PCSK5: variants seen among roughly 807,000 people sequenced by gnomAD.
PCSK5 encodes prohormone convertase 5.
A neutral mutation model predicts 233.2 loss-of-function variants in PCSK5; 129 were observed. The observed-to-expected ratio is 0.55, with a 90% CI of 0.48 to 0.64. The LOEUF is 0.64. Ranked by LOEUF, PCSK5 falls within the 30% of genes least tolerant of loss-of-function variation. The probability of loss-of-function intolerance (pLI) is 0.00; values close to 1 mark genes in which losing one functional copy is unlikely to be tolerated. For missense variants in PCSK5, 2,076 were observed against 2,430.1 expected, an observed-to-expected ratio of 0.85 and a Z score of 3.06; for synonymous variants, 825 against 879.2, an observed-to-expected ratio of 0.94 and a Z score of 1.09.
intron 1 of PCSK5, among the ~76,000 whole-genome samples, chr9:75,912,197 A>G (rs1348288035): frequency 6.6e-6 from 1 of 152,054 alleles, no homozygotes; most frequent in Non-Finnish European, 1.5e-5. Context: ...AGAAGGTGGC[A>G]TGAGCAAATT....
rs1232238515 is a variant in PCSK5 at position 76,360,510 on chromosome 9, A to G, written c.*1588A>G. The G allele has an allele frequency of 1.3e-5, 2 of 152,258 alleles. No individual in the cohort carries two copies. Among genetic ancestry groups the G allele is most frequent in the African/African-American group, 2.4e-5 (1 of 41,468 alleles). 9.4% of individuals were successfully genotyped at this position (152,258 alleles called of 1,614,324 possible). Reference sequence around the variant, plus strand: ...AAAGTCATGCCTATTGTTTTAGTCTATAATATCAATGTTATCTTTACTAAA... The same window carrying G: ...AAAGTCATGCCTATTGTTTTAGTCTGTAATATCAATGTTATCTTTACTAAA... On this transcript the variant is annotated 3_prime_UTR_variant, in exon 38 of 38. Transcript: ENST00000674117.
At chr9:75,989,014 T>G (rs1826648148) in intron 3 of PCSK5, among the ~76,000 whole-genome samples, 1 of 152,186 alleles carries the variant, frequency 6.6e-6, no homozygotes, top group African/African-American at 2.4e-5. Flanking sequence ...TAAAGTATCT[T>G]GAGGACAACC....
chr9:75,961,262 C>T (rs1825341443), intron 2 of PCSK5, among the ~76,000 whole-genome samples: 1 of 152,180 alleles, frequency 6.6e-6, no homozygotes, highest in Non-Finnish European at 1.5e-5. Context: ...TACAAAATGC[C>T]ACTCACTTGC....
intron 24 of PCSK5, among the ~76,000 whole-genome samples, chr9:76,254,896 T>C (rs958054955): frequency 3.3e-5 from 5 of 152,204 alleles, no homozygotes; most frequent in African/African-American, 1.2e-4. Flanking sequence ...GGGTACATAT[T>C]AGGATCCTGC....
At chr9:76,011,054 T>G (rs1458302703) in intron 3 of PCSK5, among the ~76,000 whole-genome samples, 1 of 152,362 alleles carries the variant, frequency 6.6e-6, no homozygotes, top group East Asian at 1.9e-4. Context: ...CAAGAAATTC[T>G]GTTGGATGCT....
intron 9 of PCSK5, among the ~76,000 whole-genome samples, chr9:76,118,093 T>C (rs1832498651): frequency 6.6e-6 from 1 of 152,104 alleles, no homozygotes; most frequent in Non-Finnish European, 1.5e-5. Flanking sequence ...TTCAATTCTA[T>C]AATTTTCATT....
At chr9:76,348,948 GAAGT>G (rs1487362684) in intron 35 of PCSK5, among the ~76,000 whole-genome samples, 2 of 152,004 alleles carry the variant, frequency 1.3e-5, no homozygotes, top group African/African-American at 4.8e-5. Flanking sequence ...GTTAAAAATT[GAAGT>G]AAGACATCTA....
intron 2 of PCSK5, among the ~76,000 whole-genome samples, chr9:75,953,644 GTC>G (rs1554665120): frequency 7.3e-6 from 1 of 136,914 alleles, no homozygotes; most frequent in Non-Finnish European, 1.6e-5. Flanking sequence ...ATGTGTGTGT[GTC>G]TGTGTGTGTG....
chr9:76,043,923 ATCAG>A (rs1587542627), intron 5 of PCSK5, among the ~76,000 whole-genome samples: 2 of 152,256 alleles, frequency 1.3e-5, no homozygotes, highest in East Asian at 3.9e-4. Flanking sequence ...TTTAGCCAAA[ATCAG>A]TCAGTCTTTC....
At chr9:76,180,087 G>GTATATATATA (rs1554701013) in intron 15 of PCSK5, among the ~76,000 whole-genome samples, 30 of 132,610 alleles carry the variant, frequency 2.3e-4, no homozygotes, top group East Asian at 7.0e-4. Context: ...GTGTGTGTGT[G>GTATATATATA]TATATATATA....
chr9:76,291,675 T>C (rs953932073), intron 24 of PCSK5, among the ~76,000 whole-genome samples: 1 of 152,216 alleles, frequency 6.6e-6, no homozygotes, highest in Non-Finnish European at 1.5e-5. Context: ...CCAGCAGGGA[T>C]GCATTGAATC....
chr9:76,027,072 T>C (rs780706016), intron 5 of PCSK5, 35 bp downstream of exon 5: 7 of 1,425,992 alleles, frequency 4.9e-6, no homozygotes, highest in Non-Finnish European at 6.9e-6. Flanking sequence ...GGCATGTGGC[T>C]GGCAAGGAGC....
intron 5 of PCSK5, among the ~76,000 whole-genome samples, chr9:76,067,382 A>C (rs1830323915): frequency 1.3e-5 from 2 of 152,214 alleles, no homozygotes; most frequent in Admixed American, 6.5e-5. Flanking sequence ...TAAAACAATG[A>C]TTAATAAGAT....
intron 1 of PCSK5, among the ~76,000 whole-genome samples, chr9:75,905,453 G>C (rs1826221742): frequency 1.3e-5 from 2 of 152,334 alleles, no homozygotes; most frequent in African/African-American, 4.8e-5. Flanking sequence ...AGAATTTTGA[G>C]GATGCAGTAA....
At chr9:76,081,975 A>G (rs111566447) in intron 7 of PCSK5, among the ~76,000 whole-genome samples, 3 of 152,080 alleles carry the variant, frequency 2.0e-5, no homozygotes, top group African/African-American at 4.8e-5. Flanking sequence ...TCATCTTTCA[A>G]TTCTGCCTGA....
At position 76,126,179 on chromosome 9, in the gene PCSK5, GTA is replaced by G. The variant is rs1029753170; in HGVS notation, c.1209-7928_1209-7927del. On this transcript the variant is annotated intron_variant, in intron 9 of 37. Transcript: ENST00000674117. Reference sequence around the variant, plus strand: ...TGTTGATTTTTTCCTGCGTGTGTGTGTATGTGTGTGTGTGTGTGTGTGGTGTA... The same window carrying G: ...TGTTGATTTTTTCCTGCGTGTGTGTGTGTGTGTGTGTGTGTGTGTGGTGTA... Among the ~76,000 whole-genome samples, 12 of 135,932 alleles carry G rather than the reference GTA, an allele frequency of 8.8e-5. No homozygotes were observed. The East Asian group carries it at 1.7e-3, about 20-fold the overall frequency. 89.2% of individuals were successfully genotyped at this position (135,932 alleles called of 152,430 possible).
chr9:75,893,791 G>A (rs945769571), intron 1 of PCSK5, among the ~76,000 whole-genome samples: 2 of 152,188 alleles, frequency 1.3e-5, no homozygotes, highest in Admixed American at 6.5e-5. Flanking sequence ...AGGAAATTTA[G>A]TGCTTATAGA....
intron 35 of PCSK5, among the ~76,000 whole-genome samples, chr9:76,344,052 G>C (rs554707217): frequency 1.8e-4 from 27 of 152,094 alleles, no homozygotes; most frequent in African/African-American, 6.0e-4. Context: ...TACATGTGTT[G>C]TACTGTCTTT....
intron 3 of PCSK5, among the ~76,000 whole-genome samples, chr9:76,018,644 C>T (rs898880258): frequency 6.6e-6 from 1 of 151,186 alleles, no homozygotes; most frequent in African/African-American, 2.4e-5. Flanking sequence ...GGTTGGGGAC[C>T]GCTATTCTAA....
Sources: allele counts gnomAD v4.1 joint callset (sites outside exome capture counted in the v4.1 genomes callset), GRCh38; gene constraint gnomAD v4.1.1; transcripts MANE v1.5; gene names NCBI Gene and HGNC (gene_info 2026-07-23, HGNC 2026-07-21).